Variants in CYFIP2 observed in about 807,000 individuals in gnomAD.
CYFIP2 encodes the protein cytoplasmic FMR1 interacting protein 2, also known as cytoplasmic FMR1-interacting protein 2.
CYFIP2 carries 29 observed loss-of-function variants against 158.7 expected under a neutral mutation model. That is an observed-to-expected ratio of 0.18 (90% confidence interval 0.14 to 0.25). The LOEUF (loss-of-function observed/expected upper bound fraction) is 0.25, where lower values mean the gene tolerates loss of function less well. Among genes scored for constraint, CYFIP2 ranks in the 10% least tolerant of loss-of-function variants. The probability of loss-of-function intolerance (pLI) is 1.00; values close to 1 mark genes in which losing one functional copy is unlikely to be tolerated. For synonymous variants in CYFIP2, 585 were observed against 617.6 expected (o/e 0.95, Z 0.78); for missense variants, 852 against 1,639.5 (o/e 0.52, Z 8.29).
chr5:157,321,665 C>G (rs1365101055), intron 15 of CYFIP2, among the ~76,000 whole-genome samples: 2 of 152,208 alleles, frequency 1.3e-5, no homozygotes, highest in Non-Finnish European at 2.9e-5. Context: ...TCTCTCTGTT[C>G]TCAGTCACCC....
intron 26 of CYFIP2, among the ~76,000 whole-genome samples, chr5:157,368,093 A>G (rs1764598921): frequency 1.3e-5 from 2 of 152,156 alleles, no homozygotes; most frequent in South Asian, 4.1e-4. Flanking sequence ...ATTCTTCCAG[A>G]TGTTTTTATG....
chr5:157,364,792 A>G (rs908529305), intron 26 of CYFIP2: 1 of 152,098 alleles, frequency 6.6e-6, no homozygotes, highest in African/African-American at 2.4e-5. Context: ...TTTAAATGAC[A>G]TACCAATTCT....
chr5:157,390,578 C>T lies in CYFIP2; in HGVS notation c.3504C>T (p.Gly1168=). ...GTTGCTCCATCATTGTCCTGCTGGG[C>T]CAGCAGCGTCGCTTTGACCTGTTCG... ...WAGCSIIVLL[G]QQRRFDLFDF... Residue 1168 remains glycine, a synonymous_variant, in exon 30 of 31, where the codon GGC becomes GGT. Transcript: ENST00000620254. 6.4e-7 allele frequency: 1 copy of T among 1,556,858 alleles called. No homozygotes were observed. Among genetic ancestry groups the T allele is most frequent in the Non-Finnish European group, 8.7e-7 (1 of 1,149,708 alleles).
At position 157,361,428 on chromosome 5, in the gene CYFIP2, A is replaced by T; in HGVS notation, c.2909-40A>T. 3 of 1,612,688 alleles carry T rather than the reference A, an allele frequency of 1.9e-6. No homozygotes were observed. Among genetic ancestry groups the T allele is most frequent in the Non-Finnish European group, 2.5e-6 (3 of 1,179,484 alleles). On this transcript the variant is annotated intron_variant, in intron 25 of 30. Coordinates refer to ENST00000620254, the MANE Select transcript of CYFIP2 (RefSeq NM_001037333.3). The surrounding 1 kb of genome is among the most constrained non-coding windows in gnomAD (Gnocchi z 4.4). ...TTGTTTCCCATAGACCCTACTGAGCAGTGTCAACTTCCCACTGACCACCCC... is the reference window on the plus strand; with the variant it reads ...TTGTTTCCCATAGACCCTACTGAGCTGTGTCAACTTCCCACTGACCACCCC...
chr5:157,337,348 A>T (rs576969653), intron 21 of CYFIP2, among the ~76,000 whole-genome samples: 1 of 152,206 alleles, frequency 6.6e-6, no homozygotes, highest in East Asian at 1.9e-4. Context: ...GCCATCACTA[A>T]TCCCCCACTC....
intron 21 of CYFIP2, among the ~76,000 whole-genome samples, chr5:157,338,249 C>G (rs1761997195): frequency 6.6e-6 from 1 of 152,244 alleles, no homozygotes; most frequent in African/African-American, 2.4e-5. Context: ...TCAGGGCCCA[C>G]AGTGCACATA....
chr5:157,299,729 A>G (rs571915677), intron 5 of CYFIP2, among the ~76,000 whole-genome samples: 1 of 151,966 alleles, frequency 6.6e-6, no homozygotes. Context: ...GGTGAAACCC[A>G]GTCTCTACTA....
chr5:157,332,316 C>T (rs912792070), intron 20 of CYFIP2, among the ~76,000 whole-genome samples: 2 of 152,194 alleles, frequency 1.3e-5, no homozygotes, highest in Admixed American at 6.5e-5. Context: ...ATATTTAGTT[C>T]ACATTCTTTC....
chr5:157,346,028 A>G (rs753271486), intron 23 of CYFIP2, among the ~76,000 whole-genome samples: 1 of 150,770 alleles, frequency 6.6e-6, no homozygotes, highest in Non-Finnish European at 1.5e-5. Flanking sequence ...CCACCCCTAC[A>G]CTTCCCCATC....
chr5:157,276,483 G>A (rs1046457252), intron 1 of CYFIP2, among the ~76,000 whole-genome samples: 1 of 152,134 alleles, frequency 6.6e-6, no homozygotes, highest in African/African-American at 2.4e-5. Flanking sequence ...AATCTCACTT[G>A]TTCATGATGC....
intron 4 of CYFIP2, chr5:157,296,450 T>C (rs1199443724): frequency 1.9e-6 from 1 of 520,814 alleles, no homozygotes. Context: ...AAAAATTAGC[T>C]GGATATAGTG....
intron 2 of CYFIP2, among the ~76,000 whole-genome samples, chr5:157,286,105 A>T (rs186667481): frequency 0.012 from 1,833 of 152,326 alleles, 14 homozygotes; most frequent in South Asian, 0.039. Flanking sequence ...AGGAGACTAA[A>T]TATAAATACA....
At chr5:157,332,521 A>T (rs115160784) in intron 20 of CYFIP2, among the ~76,000 whole-genome samples, 2,534 of 152,324 alleles carry the variant, frequency 0.017, 86 homozygotes, top group African/African-American at 0.058. Flanking sequence ...GAATGATGAT[A>T]CTCAGGAAAT....
At chr5:157,291,628 C>G (rs997808611) in intron 3 of CYFIP2, among the ~76,000 whole-genome samples, 1 of 152,228 alleles carries the variant, frequency 6.6e-6, no homozygotes, top group African/African-American at 2.4e-5. Context: ...GACATGTGTT[C>G]TGAGGCAGAT....
chr5:157,373,296 G>A (rs1021640630), intron 26 of CYFIP2, among the ~76,000 whole-genome samples: 19 of 152,226 alleles, frequency 1.2e-4, no homozygotes, highest in African/African-American at 4.1e-4. Context: ...GGGCAAGACT[G>A]AATCCCACTG....
intron 28 of CYFIP2, 72 bp downstream of exon 28, chr5:157,383,431 A>T (rs1766329426): frequency 7.3e-7 from 1 of 1,376,030 alleles, no homozygotes; most frequent in Admixed American, 1.9e-5. Flanking sequence ...AAACCCCCTC[A>T]TTGTACAGGT....
chr5:157,390,624 A>T lies in CYFIP2; in HGVS notation c.3550A>T (p.Lys1184Ter). The part of the protein sequence containing the change: ...DLFDFCYHLL[K>*]VQRQDGKDEI... ...GTTCGACTTCTGTTACCACCTGCTA[A>T]AAGTGCAGAGGCAGGACGGGAAGGA... The change falls in exon 30 of 31, where the codon AAA (lysine) becomes TAA (stop). Residue 1184 changes from lysine to a stop codon, truncating the protein, a stop_gained. Transcript: ENST00000620254. LOFTEE classifies it high-confidence loss of function. The T allele has an allele frequency of 6.3e-7, 1 of 1,580,034 alleles. No individual in the cohort carries two copies. The highest frequency in any genetic ancestry group is 8.6e-7 in the Non-Finnish European group (1 of 1,162,674).
At chr5:157,384,708 G>A (rs1446745016) in intron 28 of CYFIP2, 1 of 349,604 alleles carries the variant, frequency 2.9e-6, no homozygotes, top group Non-Finnish European at 5.7e-6. Context: ...GGAAGGCCGA[G>A]GCAGGCGGAT....
At chr5:157,365,678 A>C (rs1231608621) in intron 26 of CYFIP2, among the ~76,000 whole-genome samples, 1 of 151,600 alleles carries the variant, frequency 6.6e-6, no homozygotes, top group Non-Finnish European at 1.5e-5. Context: ...TGCCCTCTTC[A>C]GTGTTCCGCA....
Sources: allele counts gnomAD v4.1 joint callset (sites outside exome capture counted in the v4.1 genomes callset), GRCh38; gene constraint gnomAD v4.1.1; non-coding constraint Gnocchi (gnomAD v3.1); transcripts MANE v1.5; gene names NCBI Gene and HGNC (gene_info 2026-07-23, HGNC 2026-07-21).